Variants in XCR1 observed in about 807,000 individuals in gnomAD.
XCR1 encodes X-C motif chemokine receptor 1.
For missense variants in XCR1, 356 were observed against 424.2 expected (o/e 0.84, Z 1.41); for synonymous variants, 187 against 188.5 (o/e 0.99, Z 0.06).
intron 3 of XCR1, among the ~76,000 whole-genome samples, chr3:46,070,278 TGTAA>T (rs1432891895): frequency 6.6e-6 from 1 of 152,154 alleles, no homozygotes; most frequent in African/African-American, 2.4e-5. Context: ...TGGAATGTTC[TGTAA>T]ATGTCTATTA....
chr3:46,026,822 T>C (rs2125894654), intron 1 of XCR1, among the ~76,000 whole-genome samples: 1 of 152,136 alleles, frequency 6.6e-6, no homozygotes, highest in Middle Eastern at 3.4e-3. Context: ...GACCTCATGA[T>C]CCACCTGCCT....
intron 1 of XCR1, chr3:46,023,223 G>T (rs1039375704): frequency 5.4e-5 from 30 of 551,726 alleles, no homozygotes; most frequent in Non-Finnish European, 8.0e-5. Flanking sequence ...GGACGCGGCT[G>T]CGTCGCGCTC....
intron 4 of XCR1, among the ~76,000 whole-genome samples, chr3:46,065,226 G>T (rs1285362076): frequency 4.6e-5 from 7 of 152,204 alleles, no homozygotes; most frequent in African/African-American, 1.7e-4. Flanking sequence ...GGGGCACTTT[G>T]TTATGTAGCA....
At chr3:46,079,032 A>G (rs1347362332) in intron 1 of XCR1, among the ~76,000 whole-genome samples, 1 of 152,186 alleles carries the variant, frequency 6.6e-6, no homozygotes, top group Non-Finnish European at 1.5e-5. Context: ...GCAACTCATG[A>G]CTTTTGGGTG....
chr3:46,028,381 T>A (rs950516121), upstream of XCR1, among the ~76,000 whole-genome samples: 2 of 152,110 alleles, frequency 1.3e-5, no homozygotes, highest in African/African-American at 4.8e-5. Context: ...GTGTATCTCT[T>A]TGTAGAAGTG....
chr3:46,056,508 C>T (rs1299943854), intron 4 of XCR1, among the ~76,000 whole-genome samples: 1 of 152,120 alleles, frequency 6.6e-6, no homozygotes, highest in East Asian at 1.9e-4. Context: ...GGGTCTCACA[C>T]TGTTGCCCAG....
At chr3:46,042,243 C>T (rs1170126339) in intron 5 of XCR1, among the ~76,000 whole-genome samples, 1 of 152,058 alleles carries the variant, frequency 6.6e-6, no homozygotes, top group African/African-American at 2.4e-5. Flanking sequence ...AATCAACAAC[C>T]TAACTTTATA....
At chr3:46,039,233 G>A (rs556218293) in intron 5 of XCR1, among the ~76,000 whole-genome samples, 5 of 128,558 alleles carry the variant, frequency 3.9e-5, no homozygotes, top group South Asian at 2.6e-4. Flanking sequence ...TTTGTTGTAC[G>A]GTATTTAAGT....
chr3:46,048,847 T>A (rs144009666), intron 5 of XCR1, among the ~76,000 whole-genome samples: 219 of 152,342 alleles, frequency 1.4e-3, no homozygotes, highest in African/African-American at 4.9e-3. Context: ...GTAGTTGGCC[T>A]CCTATACCCA....
intron 1 of XCR1, among the ~76,000 whole-genome samples, chr3:46,026,830 C>T (rs895719868): frequency 1.3e-5 from 2 of 151,932 alleles, no homozygotes; most frequent in Non-Finnish European, 2.9e-5. Flanking sequence ...GATCCACCTG[C>T]CTTGGCCTCC....
intron 5 of XCR1, among the ~76,000 whole-genome samples, chr3:46,051,117 C>G (rs533351657): frequency 2.6e-5 from 4 of 152,172 alleles, no homozygotes; most frequent in Non-Finnish European, 4.4e-5. Context: ...CAATGACCCC[C>G]GTCAGAAATT....
At chr3:46,042,798 A>C (rs1200374791) in intron 5 of XCR1, among the ~76,000 whole-genome samples, 1 of 152,244 alleles carries the variant, frequency 6.6e-6, no homozygotes, top group Non-Finnish European at 1.5e-5. Context: ...ATTGAAGAGA[A>C]GGGAACAGTT....
chr3:46,078,299 T>C (rs13434336), intron 1 of XCR1, among the ~76,000 whole-genome samples: 68,899 of 151,980 alleles, frequency 0.45, 18,567 homozygotes, highest in African/African-American at 0.76. Context: ...TTGGCTCTAC[T>C]ATCTGACTTA....
rs181967052 is a variant in XCR1 at position 46,046,192 on chromosome 3, G to A, written c.-32+7728C>T. Among the ~76,000 whole-genome samples, 7 of 152,270 alleles carry A rather than the reference G, an allele frequency of 4.6e-5. No individual in the cohort carries two copies. In the East Asian group the frequency reaches 1.4e-3, roughly 29 times the overall value. On this transcript the variant is annotated intron_variant, in intron 5 of 5. Coordinates refer to the XCR1 transcript ENST00000683768. ...GACCTAGGGGGACTGAACAAAGGGG[G>A]CGAACGCAGGAATAAAAGACAAAGA...
At chr3:46,038,390 G>A (rs1575417806) in intron 5 of XCR1, among the ~76,000 whole-genome samples, 1 of 152,152 alleles carries the variant, frequency 6.6e-6, no homozygotes, top group East Asian at 1.9e-4. Context: ...AAAATTTGGG[G>A]TTGGTTTCCT....
At chr3:46,023,936 T>C (rs1288432430) in intron 1 of XCR1, 1 of 1,476,454 alleles carries the variant, frequency 6.8e-7, no homozygotes, top group African/African-American at 1.4e-5. Flanking sequence ...GAAAAGGAGC[T>C]GGATGTAGAT....
intron 1 of XCR1, among the ~76,000 whole-genome samples, chr3:46,085,000 T>C (rs1325408505): frequency 1.3e-5 from 2 of 151,822 alleles, no homozygotes; most frequent in African/African-American, 2.4e-5. Flanking sequence ...CTGGATGGAG[T>C]ACTCCCCAAG....
In XCR1 at chr3:46,017,765, T is replaced by C. The variant is rs1487003404; in HGVS notation, c.*3181A>G. On this transcript the variant is annotated 3_prime_UTR_variant, in exon 2 of 2. Transcript: ENST00000309285. The stretch of plus-strand genomic sequence containing the variant: ...AAATGCTGTAGAACCACCGTGGGTT[T>C]TTTTATGTTCCAGGAGTGGTTAGAG... 2.0e-5 allele frequency: 3 copies of C among 152,248 alleles called. No individual in the cohort carries two copies. The highest frequency in any genetic ancestry group is 4.4e-5 in the Non-Finnish European group (3 of 68,084). 9.4% of individuals were successfully genotyped at this position (152,248 alleles called of 1,614,324 possible).
chr3:46,059,057 C>T (rs1456894762), intron 4 of XCR1, among the ~76,000 whole-genome samples: 2 of 152,144 alleles, frequency 1.3e-5, no homozygotes, highest in Non-Finnish European at 1.5e-5. Context: ...GTGGGGTGTG[C>T]ACAATAGCAC....
Sources: gnomAD v4.1 joint callset for allele counts (sites outside exome capture counted in the v4.1 genomes callset) on GRCh38, gnomAD v4.1.1 for gene constraint, MANE v1.5 for transcripts, NCBI Gene and HGNC (gene_info 2026-07-23, HGNC 2026-07-21) for gene names.